FAT3: variants seen among roughly 807,000 people sequenced by gnomAD.
The protein encoded by FAT3 is protocadherin Fat 3.
A neutral mutation model predicts 310.2 loss-of-function variants in FAT3; 95 were observed. That is an observed-to-expected ratio of 0.31 (90% confidence interval 0.26 to 0.36). The LOEUF is 0.36. Among genes scored for constraint, FAT3 ranks in the 10% least tolerant of loss-of-function variants. FAT3 has a pLI of 1.00. For synonymous variants in FAT3, 2,314 were observed against 2,192.9 expected, an observed-to-expected ratio of 1.06 and a Z score of -1.54; for missense variants, 5,408 against 5,715.6, an observed-to-expected ratio of 0.95 and a Z score of 1.74.
intron 3 of FAT3, among the ~76,000 whole-genome samples, chr11:92,551,021 T>C (rs1352619307): frequency 6.6e-6 from 1 of 151,916 alleles, no homozygotes; most frequent in East Asian, 2.0e-4. Context: ...CCAGTCCCCG[T>C]ATTCTGAACT....
chr11:92,677,726 A>G (rs1475867991), intron 3 of FAT3, among the ~76,000 whole-genome samples: 1 of 152,190 alleles, frequency 6.6e-6, no homozygotes, highest in East Asian at 1.9e-4. Context: ...AATGTTACTG[A>G]TGGAAGGTCT....
chr11:92,832,492 G>A (rs1948290298), intron 14 of FAT3, among the ~76,000 whole-genome samples: 1 of 151,978 alleles, frequency 6.6e-6, no homozygotes, highest in African/African-American at 2.4e-5. Flanking sequence ...ACCACAGAGT[G>A]CCCTCCAGCT....
rs765358351 is a variant in FAT3 at position 92,859,273 on chromosome 11, G to A, written c.11609G>A (p.Ser3870Asn). ...GCTCTGCGTCTTCGAACACTGCAAA[G>A]CAATGGGATTATAATGTACACCAGA... is the stretch of plus-strand genomic sequence containing the variant. ...KLALRLRTLQ[S>N]NGIIMYTRAN... The change falls in exon 21 of 28, where the codon AGC (serine) becomes AAC (asparagine). Residue 3870 changes from serine (S) to asparagine (N), a missense_variant. This residue lies in a region of FAT3 where 4,588 missense variants were observed against 4,809.8 expected (regional missense o/e 0.95). Coordinates refer to ENST00000525166, the MANE Select transcript of FAT3 (RefSeq NM_001367949.2). 1.1e-5 allele frequency: 17 copies of A among 1,613,294 alleles called. No homozygotes were observed. In the Middle Eastern group the frequency reaches 2.1e-3, roughly 203 times the overall value.
At chr11:92,810,649 TG>T (rs1459307802) in intron 13 of FAT3, among the ~76,000 whole-genome samples, 3 of 151,912 alleles carry the variant, frequency 2.0e-5, no homozygotes, top group African/African-American at 7.2e-5. Flanking sequence ...TTTGACAGAG[TG>T]GGGGTGGGGG....
At chr11:92,330,281 G>A (rs1947879591) in intron 1 of FAT3, among the ~76,000 whole-genome samples, 2 of 152,198 alleles carry the variant, frequency 1.3e-5, no homozygotes, top group Non-Finnish European at 2.9e-5. Context: ...TATGATTGCA[G>A]AATTTGGCAT....
chr11:92,687,231 C>T (rs145547763), intron 3 of FAT3, among the ~76,000 whole-genome samples: 4 of 152,200 alleles, frequency 2.6e-5, no homozygotes, highest in Non-Finnish European at 4.4e-5. Flanking sequence ...TGTTTCTAAC[C>T]GAGCCTCTGA....
intron 1 of FAT3, chr11:92,314,382 T>C: frequency 5.8e-6 from 4 of 684,168 alleles, no homozygotes; most frequent in Non-Finnish European, 7.2e-6. Context: ...AGCCCCTCAT[T>C]GCATGAAACA....
At chr11:92,476,921 A>G (rs1027769906) in intron 2 of FAT3, among the ~76,000 whole-genome samples, 11 of 152,228 alleles carry the variant, frequency 7.2e-5, no homozygotes, top group African/African-American at 2.2e-4. Flanking sequence ...TTCTTCCACC[A>G]TGACCACCAC....
rs543667811 is a variant in FAT3, at chr11:92,484,250, G to T, written c.3293-40384G>T. 2.0e-5 allele frequency among the ~76,000 whole-genome samples: 3 copies of T among 152,114 alleles called. No homozygotes were observed. In the East Asian group the frequency reaches 5.8e-4, roughly 29 times the overall value. ...TTCCATGGTGCTGTTTTCCTCCTTA[G>T]CAGTTTTATGTTTTCTCTTATTTTA... On this transcript the variant is annotated intron_variant, in intron 2 of 27. Transcript: ENST00000525166.
chr11:92,280,101 C>CA (rs774413384), intron 1 of FAT3, among the ~76,000 whole-genome samples: 1 of 151,998 alleles, frequency 6.6e-6, no homozygotes, highest in Admixed American at 6.6e-5. Flanking sequence ...ACAACAACAA[C>CA]AAAAAAGACT....
At chr11:92,522,378 C>T (rs1327374492) in intron 2 of FAT3, among the ~76,000 whole-genome samples, 2 of 152,152 alleles carry the variant, frequency 1.3e-5, no homozygotes, top group Admixed American at 6.5e-5. Context: ...TCAGAGCCCT[C>T]CTTCTCTGGT....
intron 2 of FAT3, among the ~76,000 whole-genome samples, chr11:92,423,469 G>C (rs915582731): frequency 2.6e-5 from 4 of 152,176 alleles, no homozygotes; most frequent in Non-Finnish European, 5.9e-5. Flanking sequence ...AGCTCTGCGT[G>C]TAAGGAGATC....
chr11:92,610,668 GAT>G (rs1940520531), intron 3 of FAT3, among the ~76,000 whole-genome samples: 1 of 152,056 alleles, frequency 6.6e-6, no homozygotes, highest in Admixed American at 6.5e-5. Context: ...CTTTTTATAT[GAT>G]CCCAAAGCAT....
At position 92,612,464 on chromosome 11, in the gene FAT3, T is replaced by G. The variant is rs537900393; in HGVS notation, c.3608-84920T>G. Among the ~76,000 whole-genome samples the G allele has an allele frequency of 1.1e-4, 16 of 152,282 alleles. No homozygotes were observed. In the South Asian group the frequency reaches 2.7e-3, roughly 26 times the overall value. On this transcript the variant is annotated intron_variant, in intron 3 of 27. Coordinates refer to ENST00000525166, the MANE Select transcript of FAT3 (RefSeq NM_001367949.2). ...ATAGATACAGCAGAGTAAGAAAAAT[T>G]GGAAGAAATAAGAACTGGGACTTCT...
chr11:92,326,468 C>A (rs1010743929), intron 1 of FAT3, among the ~76,000 whole-genome samples: 1 of 152,228 alleles, frequency 6.6e-6, no homozygotes, highest in Non-Finnish European at 1.5e-5. Flanking sequence ...GTCTGTATTA[C>A]TTATTGGATG....
chr11:92,653,776 A>G (rs1942472493), intron 3 of FAT3, among the ~76,000 whole-genome samples: 1 of 152,186 alleles, frequency 6.6e-6, no homozygotes, highest in South Asian at 2.1e-4. Flanking sequence ...CCTAATTAGC[A>G]TTAATTCTTC....
At chr11:92,251,098 G>A (rs1865118788) in intron 1 of FAT3, among the ~76,000 whole-genome samples, 1 of 152,102 alleles carries the variant, frequency 6.6e-6, no homozygotes, top group Non-Finnish European at 1.5e-5. Context: ...CTTTAAGCCA[G>A]AATAAAAACA....
intron 3 of FAT3, among the ~76,000 whole-genome samples, chr11:92,610,227 A>G (rs774907705): frequency 7.2e-5 from 11 of 152,194 alleles, no homozygotes; most frequent in Non-Finnish European, 1.5e-4. Flanking sequence ...CTTGCAGAAA[A>G]TTTTTATTGA....
At chr11:92,519,598 G>T (rs1260819521) in intron 2 of FAT3, among the ~76,000 whole-genome samples, 1 of 151,978 alleles carries the variant, frequency 6.6e-6, no homozygotes, top group Non-Finnish European at 1.5e-5. Context: ...CACAGACTGG[G>T]GGGGAAGTTA....
Sources: allele counts gnomAD v4.1 joint callset (sites outside exome capture counted in the v4.1 genomes callset), GRCh38; gene constraint gnomAD v4.1.1; regional missense constraint gnomAD v4.1.1; transcripts MANE v1.5; gene names NCBI Gene and HGNC (gene_info 2026-07-23, HGNC 2026-07-21).